Variants in ITGA9 observed in about 807,000 individuals in gnomAD.
ITGA9 encodes the protein integrin subunit alpha 9, also known as integrin alpha-9.
Under a neutral mutation model 127.8 loss-of-function variants are expected in ITGA9, and 56 were observed. The ratio of observed to expected loss-of-function variants is 0.44; its 90% confidence interval spans 0.35 to 0.55. ITGA9 has a LOEUF of 0.55. ITGA9 is among the 20% of genes least tolerant of loss of function. ITGA9 has a pLI of 0.00. For synonymous variants in ITGA9, 508 were observed against 514.5 expected (o/e 0.99, Z 0.17); for missense variants, 1,196 against 1,347.1 (o/e 0.89, Z 1.76).
At position 37,512,013 on chromosome 3, in the gene ITGA9, CTTTTCTTTTCTTTTCTTTCTTT is replaced by C. The variant is rs1467785359; in HGVS notation, c.898-1749_898-1728del. Among the ~76,000 whole-genome samples, 105 of 35,532 alleles carry C rather than the reference CTTTTCTTTTCTTTTCTTTCTTT, an allele frequency of 3.0e-3. 4 individuals are homozygous for C. Among genetic ancestry groups the C allele is most frequent in the African/African-American group, 8.0e-3 (95 of 11,802 alleles). 23.3% of individuals were successfully genotyped at this position (35,532 alleles called of 152,430 possible). A position where few individuals can be genotyped will look rare whatever the true frequency, so the allele number is the denominator to read the frequency against. On this transcript the variant is annotated intron_variant, in intron 8 of 27. Transcript: ENST00000264741. The stretch of plus-strand genomic sequence containing the variant: ...CTTTTCTTTTCTTTTCTTTTCTTTT[CTTTTCTTTTCTTTTCTTTCTTT>C]CTTTCTTTCTTTCTTTCTTTCTTTC...
intron 16 of ITGA9, among the ~76,000 whole-genome samples, chr3:37,644,642 T>C (rs972814264): frequency 2.4e-4 from 37 of 152,298 alleles, no homozygotes; most frequent in Middle Eastern, 3.4e-3. Context: ...TGCAGAGCCA[T>C]GGAGTAAAAA....
At chr3:37,798,869 C>T (rs950503301) in intron 26 of ITGA9, among the ~76,000 whole-genome samples, 3 of 152,108 alleles carry the variant, frequency 2.0e-5, no homozygotes, top group African/African-American at 4.8e-5. Context: ...ATCTTTGCCA[C>T]GTATTCACTA....
chr3:37,683,348 C>T (rs1488421708), intron 17 of ITGA9, among the ~76,000 whole-genome samples: 2 of 152,204 alleles, frequency 1.3e-5, no homozygotes, highest in South Asian at 2.1e-4. Flanking sequence ...CACCCCACCT[C>T]CCTTGTAAGT....
chr3:37,794,154 A>G (rs2125558279), intron 26 of ITGA9, among the ~76,000 whole-genome samples: 1 of 152,082 alleles, frequency 6.6e-6, no homozygotes, highest in South Asian at 2.1e-4. Context: ...ACCTCCTGTC[A>G]CTCTGACATC....
intron 15 of ITGA9, among the ~76,000 whole-genome samples, chr3:37,572,884 A>G (rs1182094034): frequency 1.3e-5 from 2 of 152,236 alleles, no homozygotes; most frequent in Non-Finnish European, 1.5e-5. Context: ...AATAAGCCTG[A>G]AAAGCATGAT....
chr3:37,576,735 C>T (rs1313461151), intron 15 of ITGA9, among the ~76,000 whole-genome samples: 1 of 152,198 alleles, frequency 6.6e-6, no homozygotes, highest in Non-Finnish European at 1.5e-5. Context: ...TCCCGAGTAC[C>T]TGGGACTACA....
intron 7 of ITGA9, 117 bp downstream of exon 7, chr3:37,506,202 G>T: frequency 1.2e-6 from 1 of 809,966 alleles, no homozygotes. Context: ...GTGGCTGGTG[G>T]GGAGGTGATG....
chr3:37,512,105 C>T lies in ITGA9; in HGVS notation c.898-1658C>T, dbSNP rs1252101192. On this transcript the variant is annotated intron_variant, in intron 8 of 27. Transcript: ENST00000264741. ...CCTTCCTTCCTTCCTTCCTTCCTTC[C>T]TTCCTTCCTTCCTTCTTTCTTTTCT... Among the ~76,000 whole-genome samples, 35 of 92,256 alleles carry T rather than the reference C, an allele frequency of 3.8e-4. 1 individual carries two copies. Among genetic ancestry groups the T allele is most frequent in the African/African-American group, 1.5e-3 (32 of 21,086 alleles). The allele number at this position is 92,256 out of a possible 152,430, so 60.5% of individuals were successfully genotyped here.
At chr3:37,785,113 G>A in intron 26 of ITGA9, 35 bp downstream of exon 26, 1 of 1,445,294 alleles carries the variant, frequency 6.9e-7, no homozygotes, top group South Asian at 1.1e-5. Flanking sequence ...CCTCCTCAGA[G>A]GGCAAGGGAA....
chr3:37,750,230 A>G (rs1179098663), intron 22 of ITGA9, among the ~76,000 whole-genome samples: 1 of 152,258 alleles, frequency 6.6e-6, no homozygotes, highest in Non-Finnish European at 1.5e-5. Context: ...CTGAAAGAGA[A>G]TATGGTAGTT....
At chr3:37,595,528 C>G (rs188963231) in intron 15 of ITGA9, among the ~76,000 whole-genome samples, 1 of 152,342 alleles carries the variant, frequency 6.6e-6, no homozygotes, top group Admixed American at 6.5e-5. Flanking sequence ...CACTGCAAAA[C>G]AAATCCAGCT....
chr3:37,666,813 C>T (rs903548586), intron 17 of ITGA9, among the ~76,000 whole-genome samples: 1 of 152,230 alleles, frequency 6.6e-6, no homozygotes, highest in Non-Finnish European at 1.5e-5. Context: ...ATCAGTGCAT[C>T]ATCCCCTGCT....
intron 27 of ITGA9, chr3:37,818,217 A>AAAAAAAAAAAAAAC (rs869248613): frequency 7.1e-6 from 1 of 139,920 alleles, no homozygotes; most frequent in African/African-American, 2.7e-5. Context: ...AAAAAAAAAA[A>AAAAAAAAAAAAAAC]GCCACACTTC....
intron 14 of ITGA9, among the ~76,000 whole-genome samples, chr3:37,537,393 A>G (rs267544): frequency 0.57 from 86,489 of 151,622 alleles, 25,145 homozygotes; most frequent in East Asian, 0.81. Flanking sequence ...GCCTCACAGC[A>G]AGCCTCTGGC....
rs750757217 is a variant in ITGA9 at position 37,732,781 on chromosome 3, A to C, written c.2137A>C (p.Met713Leu). ...FLKCSVGFPF[M>L]RSKSKYEFSV... The stretch of plus-strand genomic sequence containing the variant: ...CAAATGCAGCGTGGGATTTCCTTTC[A>C]TGAGGTCAAAGTCAAAGGTAAGGGA... The change falls in exon 19 of 28, where the codon ATG (methionine) becomes CTG (leucine). Residue 713 changes from methionine to leucine, a missense_variant. Physicochemically the swap from Met to Leu is conservative, Grantham distance 15. Coordinates refer to ENST00000264741, the MANE Select transcript of ITGA9 (RefSeq NM_002207.3). 1 of 1,610,422 alleles carries C rather than the reference A, an allele frequency of 6.2e-7. No homozygotes were observed. The highest frequency in any genetic ancestry group is 8.5e-7 in the Non-Finnish European group (1 of 1,178,910).
chr3:37,671,750 CTG>C (rs915232583), intron 17 of ITGA9, among the ~76,000 whole-genome samples: 4 of 152,130 alleles, frequency 2.6e-5, no homozygotes, highest in African/African-American at 9.7e-5. Context: ...TGATCTCTCT[CTG>C]GAGTTAATAA....
intron 22 of ITGA9, among the ~76,000 whole-genome samples, chr3:37,747,230 A>T (rs1186820121): frequency 6.6e-6 from 1 of 152,174 alleles, no homozygotes; most frequent in Admixed American, 6.5e-5. Context: ...ATCATCATCT[A>T]GTTGTAGAAT....
intron 23 of ITGA9, among the ~76,000 whole-genome samples, chr3:37,774,165 TG>T (rs1318466735): frequency 6.6e-6 from 1 of 152,240 alleles, no homozygotes; most frequent in Non-Finnish European, 1.5e-5. Flanking sequence ...GTCTTGCAAG[TG>T]AATATTCATG....
intron 15 of ITGA9, chr3:37,585,608 A>T (rs369449251): frequency 4.7e-5 from 24 of 515,372 alleles, no homozygotes; most frequent in African/African-American, 4.4e-4. Context: ...GATGTGATTT[A>T]TGCCATATTA....
Sources: allele counts gnomAD v4.1 joint callset (sites outside exome capture counted in the v4.1 genomes callset), GRCh38; gene constraint gnomAD v4.1.1; transcripts MANE v1.5; gene names NCBI Gene and HGNC (gene_info 2026-07-23, HGNC 2026-07-21).